MECOM: variants seen among roughly 807,000 people sequenced by gnomAD.
The protein encoded by MECOM is histone-lysine N-methyltransferase MECOM.
A neutral mutation model predicts 116.3 loss-of-function variants in MECOM; 13 were observed. The observed-to-expected ratio is 0.11, with a 90% CI of 0.07 to 0.18. MECOM has a LOEUF of 0.18. Among genes scored for constraint, MECOM ranks in the 10% least tolerant of loss-of-function variants. MECOM has a pLI of 1.00. For missense variants in MECOM, 1,299 were observed against 1,509.0 expected (o/e 0.86, Z 2.31); for synonymous variants, 528 against 535.2 (o/e 0.99, Z 0.19).
At chr3:169,528,612 A>T (rs1758220178) in intron 1 of MECOM, among the ~76,000 whole-genome samples, 1 of 152,240 alleles carries the variant, frequency 6.6e-6, no homozygotes, top group South Asian at 2.1e-4. Context: ...GAATGAATAA[A>T]ATGGAAATAG....
At chr3:169,195,477 G>A (rs535688894) in intron 2 of MECOM, among the ~76,000 whole-genome samples, 10 of 152,130 alleles carry the variant, frequency 6.6e-5, no homozygotes, top group African/African-American at 1.7e-4. Flanking sequence ...ATTTTATAAC[G>A]GAAAAAGGTG....
intron 1 of MECOM, among the ~76,000 whole-genome samples, chr3:169,409,053 A>C (rs1360340135): frequency 1.3e-5 from 2 of 152,068 alleles, no homozygotes; most frequent in African/African-American, 2.4e-5. Flanking sequence ...AGAAGGGGGG[A>C]AATTGGCCTA....
intron 6 of MECOM, among the ~76,000 whole-genome samples, chr3:169,121,896 G>GA (rs10707001): frequency 0.015 from 2,168 of 145,772 alleles, 56 homozygotes; most frequent in African/African-American, 0.051. Flanking sequence ...CCATTGGCAT[G>GA]AAAAAAAAAA....
chr3:169,321,324 G>C (rs576186572), intron 2 of MECOM, among the ~76,000 whole-genome samples: 6 of 152,130 alleles, frequency 3.9e-5, no homozygotes, highest in African/African-American at 1.4e-4. Context: ...GGTGGATCAC[G>C]AGGTCCGGAG....
chr3:169,196,962 C>T (rs1748486897), intron 2 of MECOM, among the ~76,000 whole-genome samples: 1 of 151,970 alleles, frequency 6.6e-6, no homozygotes, highest in African/African-American at 2.4e-5. Context: ...TATAGATACA[C>T]CATGGAATAC....
intron 1 of MECOM, among the ~76,000 whole-genome samples, chr3:169,434,055 T>A (rs915059715): frequency 2.6e-4 from 40 of 152,208 alleles, no homozygotes; most frequent in Non-Finnish European, 5.1e-4. Context: ...ATAATTAAGA[T>A]TATGTTCCCT....
intron 1 of MECOM, among the ~76,000 whole-genome samples, chr3:169,519,953 T>A (rs1430892953): frequency 6.6e-6 from 1 of 152,210 alleles, no homozygotes; most frequent in Non-Finnish European, 1.5e-5. Context: ...AATAGAAGCA[T>A]TTCATCCCTT....
intron 2 of MECOM, among the ~76,000 whole-genome samples, chr3:169,265,419 C>T (rs563423797): frequency 4.6e-5 from 7 of 152,290 alleles, no homozygotes; most frequent in African/African-American, 1.7e-4. Flanking sequence ...GAAAGTGCAA[C>T]AATTATTTGC....
chr3:169,315,422 A>C (rs1719561886), intron 2 of MECOM, among the ~76,000 whole-genome samples: 1 of 152,254 alleles, frequency 6.6e-6, no homozygotes. Flanking sequence ...ATCAAAGTAC[A>C]CAGACCGAGA....
At chr3:169,612,538 G>A (rs1560493858) in intron 1 of MECOM, among the ~76,000 whole-genome samples, 2 of 151,648 alleles carry the variant, frequency 1.3e-5, no homozygotes, top group Non-Finnish European at 2.9e-5. Context: ...GTATGTTCCT[G>A]GTTCCTATAA....
chr3:169,560,745 T>C (rs999920190), intron 1 of MECOM, among the ~76,000 whole-genome samples: 6 of 152,076 alleles, frequency 3.9e-5, no homozygotes, highest in Admixed American at 3.9e-4. Flanking sequence ...AAGCAGGATA[T>C]AGACCATGTG....
intron 1 of MECOM, among the ~76,000 whole-genome samples, chr3:169,651,909 A>C (rs1774963745): frequency 6.6e-6 from 1 of 152,192 alleles, no homozygotes; most frequent in Non-Finnish European, 1.5e-5. Flanking sequence ...GGTCATCTGC[A>C]GGCAATTTAT....
At chr3:169,243,824 C>T (rs1022616027) in intron 2 of MECOM, among the ~76,000 whole-genome samples, 1 of 152,156 alleles carries the variant, frequency 6.6e-6, no homozygotes, top group Admixed American at 6.5e-5. Flanking sequence ...GGGTAAAAAC[C>T]TAAATGCAAA....
chr3:169,614,675 G>T (rs187469506), intron 1 of MECOM, among the ~76,000 whole-genome samples: 1 of 151,892 alleles, frequency 6.6e-6, no homozygotes, highest in African/African-American at 2.4e-5. Context: ...AAATCTACCA[G>T]GTAATAAGCA....
At chr3:169,398,380 G>A (rs920675285) in intron 1 of MECOM, among the ~76,000 whole-genome samples, 1 of 151,844 alleles carries the variant, frequency 6.6e-6, no homozygotes, top group Non-Finnish European at 1.5e-5. Flanking sequence ...CTGGATAAAG[G>A]GATTGAAGAA....
chr3:169,439,073 T>A (rs114438856), intron 1 of MECOM, among the ~76,000 whole-genome samples: 5,450 of 148,402 alleles, frequency 0.037, 248 homozygotes, highest in African/African-American at 0.11. Flanking sequence ...TATTTAAAAA[T>A]ATATATAATT....
intron 2 of MECOM, among the ~76,000 whole-genome samples, chr3:169,153,584 C>G (rs1184859120): frequency 6.6e-6 from 1 of 152,008 alleles, no homozygotes; most frequent in Non-Finnish European, 1.5e-5. Flanking sequence ...TAGTATTTAG[C>G]ACATTATGCA....
Position 169,127,918 on chromosome 3 carries a change from G to T in MECOM, c.756C>A (p.Ser252Arg), listed in dbSNP as rs539169252. Residue 252 changes from serine to arginine, a missense_variant, in exon 5 of 17, where the codon AGC (serine) becomes AGA (arginine). Physicochemically the swap from Ser to Arg is moderately radical, Grantham distance 110 (BLOSUM62 -1). This residue lies in a region of MECOM where 374 missense variants were observed against 433.4 expected (regional missense o/e 0.86). Transcript: ENST00000651503. The part of the protein sequence containing the change: ...VEEDFQQKLE[S>R]ENDLQEIHTI... The stretch of plus-strand genomic sequence containing the variant: ...TGTGTATCTCTTGGAGATCATTCTC[G>T]CTTTCGAGTTTTTGCTGAAAGTCCT... 13 of 1,613,956 alleles carry T rather than the reference G, an allele frequency of 8.1e-6. No individual in the cohort carries two copies. Among genetic ancestry groups the T allele is most frequent in the Non-Finnish European group, 1.1e-5 (13 of 1,179,920 alleles).
intron 6 of MECOM, among the ~76,000 whole-genome samples, chr3:169,122,133 G>A (rs1731238853): frequency 1.3e-5 from 2 of 152,264 alleles, no homozygotes; most frequent in South Asian, 4.1e-4. Context: ...TTTATGGTGA[G>A]CCCTTGGTTG....
Sources: allele counts gnomAD v4.1 joint callset (sites outside exome capture counted in the v4.1 genomes callset), GRCh38; gene constraint gnomAD v4.1.1; regional missense constraint gnomAD v4.1.1; transcripts MANE v1.5; gene names NCBI Gene and HGNC (gene_info 2026-07-23, HGNC 2026-07-21).